Variants in FAM131A observed in about 807,000 individuals in gnomAD.
FAM131A encodes the protein protein FAM131A.
Under a neutral mutation model 39.2 loss-of-function variants are expected in FAM131A, and 24 were observed. That is an observed-to-expected ratio of 0.61 (90% CI 0.44 to 0.86). The LOEUF (loss-of-function observed/expected upper bound fraction) is 0.86. Ranked by LOEUF, FAM131A falls within the 40% of genes least tolerant of loss-of-function variation. FAM131A has a pLI of 0.00. For synonymous variants in FAM131A, 202 were observed against 206.8 expected (o/e 0.98, Z 0.20); for missense variants, 373 against 481.2 (o/e 0.78, Z 2.10).
chr3:184,344,582 T>A lies in FAM131A; in HGVS notation c.713T>A (p.Val238Glu). Residue 238 changes from valine to glutamate, a missense_variant, in exon 6 of 6, where the codon GTG becomes GAG. Physicochemically the swap from Val to Glu is moderately radical, Grantham distance 121. This residue lies in a region of FAM131A where 221 missense variants were observed against 347.7 expected (regional missense o/e 0.64). Coordinates refer to ENST00000383847, the MANE Select transcript of FAM131A (RefSeq NM_144635.5). ...RFSRPVRQGS[V>E]EPESDCSQTV... is the part of the protein sequence containing the mutation. ...TCCCGGCCTGTGCGCCAGGGCTCCG[T>A]GGAGCCTGAGAGCGACTGCTCACAG... 1.9e-6 allele frequency: 3 copies of A among 1,611,146 alleles called. No individual in the cohort carries two copies. The highest frequency in any genetic ancestry group is 2.5e-6 in the Non-Finnish European group (3 of 1,178,434).
At chr3:184,337,487 A>C, upstream of FAM131A, 1 of 707,376 alleles carries the variant, frequency 1.4e-6, no homozygotes, top group Non-Finnish European at 2.4e-6. Context: ...GCCATGAGGC[A>C]GGAATGTTCT....
chr3:184,337,206 G>C (rs1035961156), upstream of FAM131A: 4 of 165,954 alleles, frequency 2.4e-5, no homozygotes, highest in African/African-American at 9.5e-5. Flanking sequence ...TCTCTTGTCA[G>C]GGGTGAGTTT....
chr3:184,344,724 GC>G lies in FAM131A; in HGVS notation c.861del (p.Ser288AlafsTer48). Reference sequence around the variant, plus strand: ...GCGATGAGCTGCTTCTCGCCAAACTGCCCCCCAGCCGGGAAAGTGCCTTCCG... The same window carrying G: ...GCGATGAGCTGCTTCTCGCCAAACTGCCCCCAGCCGGGAAAGTGCCTTCCG... Reference protein sequence around the residue: ...LGDELLLAKLPPSRESAFRSL... With the variant: ...LGDELLLAKLXPSRESAFRSL... On this transcript the variant is annotated frameshift_variant, in exon 6 of 6. Transcript: ENST00000383847. LOFTEE classifies it high-confidence loss of function. 1.2e-6 allele frequency: 2 copies of G among 1,612,148 alleles called. No homozygotes were observed.
In FAM131A at chr3:184,342,062, C is replaced by G. The variant is rs1313970746; in HGVS notation, c.326-4C>G. Reference sequence around the variant, plus strand: ...CAGGCTTCTCCACCCTCCCCTATCTCCAGGTATTTCCCAGGTGGTGAAGGA... The same window carrying G: ...CAGGCTTCTCCACCCTCCCCTATCTGCAGGTATTTCCCAGGTGGTGAAGGA... On this transcript the variant is annotated splice_region_variant and splice_polypyrimidine_tract_variant and intron_variant, in intron 3 of 5. Coordinates refer to ENST00000383847, the MANE Select transcript of FAM131A (RefSeq NM_144635.5). This position sits in a 1 kb window ranked among gnomAD's most constrained non-coding sequence, Gnocchi z 4.6. 5.0e-6 allele frequency: 8 copies of G among 1,614,096 alleles called. No individual in the cohort carries two copies. Among genetic ancestry groups the G allele is most frequent in the African/African-American group, 1.3e-5 (1 of 74,924 alleles).
chr3:184,338,313 G>C (rs1881973), intron 1 of FAM131A, 74 bp from the exon 2 acceptor site: 529,254 of 1,382,302 alleles, frequency 0.38, 102,716 homozygotes, highest in Admixed American at 0.55. Flanking sequence ...GAAATGATAC[G>C]GCAATACTGG....
In FAM131A at chr3:184,345,858, G is replaced by T; in HGVS notation, c.*888G>T. The T allele has an allele frequency of 2.1e-6, 1 of 485,782 alleles. No individual in the cohort carries two copies. Among genetic ancestry groups the T allele is most frequent in the Non-Finnish European group, 3.6e-6 (1 of 276,398 alleles). 30.1% of individuals were successfully genotyped at this position (485,782 alleles called of 1,614,324 possible). Reference sequence around the variant, plus strand: ...AGGGCCACAAGAGGGCCACAGGGGTGGCCGGGAGTTGTCAGCTGATGCCTG... The same window carrying T: ...AGGGCCACAAGAGGGCCACAGGGGTTGCCGGGAGTTGTCAGCTGATGCCTG... On this transcript the variant is annotated 3_prime_UTR_variant, in exon 6 of 6. Coordinates refer to ENST00000383847, the MANE Select transcript of FAM131A (RefSeq NM_144635.5).
At position 184,342,113 on chromosome 3, in the gene FAM131A, G is replaced by A; in HGVS notation, c.373G>A (p.Ala125Thr). ...KDHVTKPTAM[A>T]QGRVAHLIEW... ...CCACGTGACCAAGCCTACCGCCATG[G>A]CCCAGGGCCGAGTGGCTCACCTCAT... The change falls in exon 4 of 6, where the codon GCC becomes ACC. Residue 125 changes from alanine (A) to threonine (T), a missense_variant. This residue lies in a region of FAM131A where 221 missense variants were observed against 347.7 expected (regional missense o/e 0.64). Transcript: ENST00000383847. This position sits in a 1 kb window ranked among gnomAD's most constrained non-coding sequence, Gnocchi z 4.6. 1 of 1,614,190 alleles carries A rather than the reference G, an allele frequency of 6.2e-7. No homozygotes were observed. The highest frequency in any genetic ancestry group is 2.2e-5 in the East Asian group (1 of 44,876).
chr3:184,337,457 G>A (rs1577282666), upstream of FAM131A: 1 of 625,366 alleles, frequency 1.6e-6, no homozygotes, highest in East Asian at 2.8e-5. Context: ...GCTGAGCCCT[G>A]GTGTTCCCAC....
Position 184,342,736 on chromosome 3 carries a change from T to G in FAM131A, c.509-8T>G, listed in dbSNP as rs753689374. 1 of 1,611,754 alleles carries G rather than the reference T, an allele frequency of 6.2e-7. No homozygotes were observed. On this transcript the variant is annotated splice_polypyrimidine_tract_variant and splice_region_variant and intron_variant, in intron 4 of 5. Transcript: ENST00000383847. This position sits in a 1 kb window ranked among gnomAD's most constrained non-coding sequence, Gnocchi z 4.6. ...CTTCTCTGCTTATGCATTCTGTCCCTGCGACAGGAGTGGCTGAGCAGTTTG... is the reference window on the plus strand; with the variant it reads ...CTTCTCTGCTTATGCATTCTGTCCCGGCGACAGGAGTGGCTGAGCAGTTTG...
intron 1 of FAM131A, 128 bp from the exon 2 acceptor site, chr3:184,338,259 C>A: frequency 1.0e-6 from 1 of 982,512 alleles, no homozygotes; most frequent in Non-Finnish European, 1.4e-6. Flanking sequence ...TTGAGGAGAG[C>A]ACTCAGTGGG....
chr3:184,343,379 G>A (rs1727470981), intron 5 of FAM131A, among the ~76,000 whole-genome samples: 1 of 152,234 alleles, frequency 6.6e-6, no homozygotes, highest in African/African-American at 2.4e-5. Flanking sequence ...ATTCCAGCCC[G>A]TGGGCCTTTC....
intron 2 of FAM131A, chr3:184,340,809 T>C (rs958166085): frequency 3.3e-5 from 5 of 151,984 alleles, no homozygotes; most frequent in African/African-American, 4.8e-5. Flanking sequence ...ATGGGGTACG[T>C]TGATGGAGAG....
chr3:184,335,932 G>C (rs1009978267), upstream of FAM131A: 1 of 152,268 alleles, frequency 6.6e-6, no homozygotes, highest in South Asian at 2.1e-4. Flanking sequence ...TTACGTCACC[G>C]GCCCGGTTCC....
intron 2 of FAM131A, chr3:184,341,407 C>T (rs1388431522): frequency 7.1e-6 from 3 of 420,648 alleles, no homozygotes; most frequent in Non-Finnish European, 1.3e-5. Flanking sequence ...CCTTCCTCCT[C>T]TTCCCTCTCC....
chr3:184,345,260 C>CCA lies in FAM131A; in HGVS notation c.*299_*300dup. 1.7e-6 allele frequency: 1 copy of CCA among 571,466 alleles called. No individual in the cohort carries two copies. The highest frequency in any genetic ancestry group is 2.3e-5 in the South Asian group (1 of 44,228). 35.4% of individuals were successfully genotyped at this position (571,466 alleles called of 1,614,324 possible). ...CAGTGATGTTCATGTTCTTAAAATG[C>CCA]CACACACACATTTCCTCCTCGGATA... On this transcript the variant is annotated 3_prime_UTR_variant, in exon 6 of 6. Coordinates refer to ENST00000383847, the MANE Select transcript of FAM131A (RefSeq NM_144635.5).
At chr3:184,341,668 AG>A (rs1727385277) in intron 2 of FAM131A, 55 bp from the exon 3 acceptor site, 3 of 1,477,970 alleles carry the variant, frequency 2.0e-6, no homozygotes, top group Non-Finnish European at 2.8e-6. Flanking sequence ...TGGGCATGTT[AG>A]GGGGAAGGTC....
intron 3 of FAM131A, 43 bp downstream of exon 3, chr3:184,341,860 C>T (rs1489760082): frequency 6.2e-7 from 1 of 1,602,904 alleles, no homozygotes; most frequent in Non-Finnish European, 8.5e-7. Flanking sequence ...TGTCCTTTCT[C>T]CTCCCGTTTG....
At position 184,342,823 on chromosome 3, in the gene FAM131A, C is replaced by A. The variant is rs1459088813; in HGVS notation, c.588C>A (p.Asp196Glu). Residue 196 changes from aspartate (D) to glutamate (E), a missense_variant, in exon 5 of 6, where the codon GAC becomes GAA. Physicochemically the swap from Asp to Glu is conservative, Grantham distance 45 (BLOSUM62 2). This residue lies in a region of FAM131A where 221 missense variants were observed against 347.7 expected (regional missense o/e 0.64). Coordinates refer to ENST00000383847, the MANE Select transcript of FAM131A (RefSeq NM_144635.5). The surrounding 1 kb of genome is among the most constrained non-coding windows in gnomAD (Gnocchi z 4.6). The stretch of plus-strand genomic sequence containing the variant: ...TGGATGGCGAGGACTCCACTGATGA[C>A]TCCTATGATGAGGACTTTGCTGGGG... Reference protein sequence around the residue: ...SSVDGEDSTDDSYDEDFAGGM... With the variant: ...SSVDGEDSTDESYDEDFAGGM... The A allele has an allele frequency of 6.2e-7, 1 of 1,613,774 alleles. No homozygotes were observed. The highest frequency in any genetic ancestry group is 1.3e-5 in the African/African-American group (1 of 74,914).
At chr3:184,336,134 G>A (rs1223707444), upstream of FAM131A, 1 of 152,350 alleles carries the variant, frequency 6.6e-6, no homozygotes, top group Non-Finnish European at 1.5e-5. The surrounding 1 kb of genome is among the most constrained non-coding windows in gnomAD (Gnocchi z 5.5). Context: ...GTAAGAGGCG[G>A]AGGCCGGGTA....
Sources: allele counts gnomAD v4.1 joint callset (sites outside exome capture counted in the v4.1 genomes callset), GRCh38; gene constraint gnomAD v4.1.1; regional missense constraint gnomAD v4.1.1; non-coding constraint Gnocchi (gnomAD v3.1); transcripts MANE v1.5; gene names NCBI Gene and HGNC (gene_info 2026-07-23, HGNC 2026-07-21).